Variants in CSMD1 observed in about 807,000 individuals in gnomAD.
CSMD1 encodes CUB and Sushi multiple domains 1.
In CSMD1, 213 loss-of-function variants were observed where a neutral mutation model predicts 417.5. That is an observed-to-expected ratio of 0.51 (90% CI 0.46 to 0.57). The LOEUF (loss-of-function observed/expected upper bound fraction) is 0.57. Ranked by LOEUF, CSMD1 falls within the 20% of genes least tolerant of loss-of-function variation. The pLI, the probability that CSMD1 is intolerant of heterozygous loss-of-function variation, is 0.00. For missense variants in CSMD1, 6,923 were observed against 4,529.7 expected, an observed-to-expected ratio of 1.53 and a Z score of -15.17; for synonymous variants, 2,862 against 1,736.8, an observed-to-expected ratio of 1.65 and a Z score of -16.11.
intron 1 of CSMD1, among the ~76,000 whole-genome samples, chr8:4,877,083 CACT>C (rs1335442073): frequency 2.0e-5 from 3 of 152,064 alleles, no homozygotes; most frequent in African/African-American, 7.3e-5. Flanking sequence ...CTTTCAAATA[CACT>C]ACTTATTGAA....
intron 3 of CSMD1, among the ~76,000 whole-genome samples, chr8:4,098,875 C>G (rs755583420): frequency 6.6e-6 from 1 of 152,170 alleles, no homozygotes; most frequent in Non-Finnish European, 1.5e-5. Flanking sequence ...TATTCCCGTC[C>G]AGAAAGCACT....
rs116173410 is a variant in CSMD1 at position 3,852,758 on chromosome 8, C to T, written c.819-98716G>A. Among the ~76,000 whole-genome samples, 1,120 of 152,160 alleles carry T rather than the reference C, an allele frequency of 7.4e-3. 18 individuals carry two copies. Among genetic ancestry groups the T allele is most frequent in the African/African-American group, 0.026 (1,067 of 41,518 alleles). Reference sequence around the variant, plus strand: ...GTAAGCGTCTGCATCTCCCGCTGCACAGGTTTGTAGGATCCATTCCAGCCT... The same window carrying T: ...GTAAGCGTCTGCATCTCCCGCTGCATAGGTTTGTAGGATCCATTCCAGCCT... On this transcript the variant is annotated intron_variant, in intron 5 of 69. Coordinates refer to ENST00000635120, the MANE Select transcript of CSMD1 (RefSeq NM_033225.6).
intron 3 of CSMD1, among the ~76,000 whole-genome samples, chr8:4,263,896 C>T (rs1204030896): frequency 6.6e-6 from 1 of 152,132 alleles, no homozygotes; most frequent in Non-Finnish European, 1.5e-5. Context: ...CAATTATAGA[C>T]ACAATAGTCC....
intron 3 of CSMD1, among the ~76,000 whole-genome samples, chr8:4,359,956 T>C (rs1334195495): frequency 1.3e-5 from 2 of 152,202 alleles, no homozygotes; most frequent in Non-Finnish European, 2.9e-5. Context: ...CTGGAGATCT[T>C]CCACATGGTT....
At chr8:4,296,427 G>A (rs1235407478) in intron 3 of CSMD1, among the ~76,000 whole-genome samples, 1 of 152,104 alleles carries the variant, frequency 6.6e-6, no homozygotes, top group Non-Finnish European at 1.5e-5. Flanking sequence ...ACAAGAGTGT[G>A]AGATAGCATG....
chr8:4,047,971 T>G (rs1039555975), intron 3 of CSMD1, among the ~76,000 whole-genome samples: 2 of 152,220 alleles, frequency 1.3e-5, no homozygotes, highest in African/African-American at 4.8e-5. Context: ...CCTTAGGCCT[T>G]GTTTCTTTTC....
At chr8:3,463,585 G>A (rs1328697756) in intron 12 of CSMD1, among the ~76,000 whole-genome samples, 1 of 152,154 alleles carries the variant, frequency 6.6e-6, no homozygotes, top group Non-Finnish European at 1.5e-5. Context: ...CACAAGGACA[G>A]GGGCATGAGC....
At chr8:3,576,736 A>G (rs1800166450) in intron 9 of CSMD1, among the ~76,000 whole-genome samples, 1 of 152,002 alleles carries the variant, frequency 6.6e-6, no homozygotes. Context: ...CTAATATCTC[A>G]CTCTCTAATG....
At chr8:4,338,268 G>C (rs1275345813) in intron 3 of CSMD1, among the ~76,000 whole-genome samples, 6 of 152,136 alleles carry the variant, frequency 3.9e-5, no homozygotes, top group South Asian at 2.1e-4. Flanking sequence ...CCATAGTTGA[G>C]TAAGTGCAAG....
chr8:2,968,984 G>C (rs538377071), intron 57 of CSMD1, among the ~76,000 whole-genome samples: 1 of 152,046 alleles, frequency 6.6e-6, no homozygotes, highest in South Asian at 2.1e-4. Context: ...ACAAATATTA[G>C]TACTGTTCAT....
At chr8:4,138,519 C>A (rs1247624824) in intron 3 of CSMD1, among the ~76,000 whole-genome samples, 1 of 151,996 alleles carries the variant, frequency 6.6e-6, no homozygotes, top group Non-Finnish European at 1.5e-5. Flanking sequence ...TCTCAGGAGA[C>A]ATATTTTGAG....
intron 25 of CSMD1, among the ~76,000 whole-genome samples, chr8:3,298,383 A>G (rs1000414112): frequency 1.1e-4 from 16 of 152,332 alleles, no homozygotes; most frequent in Admixed American, 2.6e-4. Context: ...ATATCAGGAA[A>G]TATCTAACGG....
At chr8:4,161,007 C>T (rs1374958927) in intron 3 of CSMD1, among the ~76,000 whole-genome samples, 2 of 152,028 alleles carry the variant, frequency 1.3e-5, no homozygotes, top group African/African-American at 4.8e-5. Flanking sequence ...CTTTGTCCTT[C>T]TTCTTCTGGT....
At chr8:3,865,185 G>A (rs1804999386) in intron 5 of CSMD1, among the ~76,000 whole-genome samples, 1 of 152,188 alleles carries the variant, frequency 6.6e-6, no homozygotes, top group Non-Finnish European at 1.5e-5. Flanking sequence ...AGGCACCTCT[G>A]ATATTTAACA....
rs781556274 is a variant in CSMD1, at chr8:2,955,701, G to A, written c.9882C>T (p.Phe3294=). 33 of 1,613,776 alleles carry A rather than the reference G, an allele frequency of 2.0e-5. No homozygotes were observed. The highest frequency in any genetic ancestry group is 2.2e-5 in the South Asian group (2 of 91,078). The change falls in exon 64 of 70, where the codon TTC becomes TTT. Residue 3294 remains phenylalanine, a synonymous_variant. Coordinates refer to ENST00000635120, the MANE Select transcript of CSMD1 (RefSeq NM_033225.6). ...GGCAGGTGTACACTAAGGTGTAGCC[G>A]AAAGTAGGAAGATCGATGGCTCTCA... The part of the protein sequence containing the change: ...ADVRAIDLPT[F]GYTLVYTCHP...
chr8:4,163,637 G>A (rs1268583396), intron 3 of CSMD1, among the ~76,000 whole-genome samples: 3 of 151,910 alleles, frequency 2.0e-5, no homozygotes, highest in Non-Finnish European at 4.4e-5. Context: ...ATCTACATAT[G>A]GTAAGTGGAG....
chr8:3,444,385 T>A (rs112257384), intron 12 of CSMD1, among the ~76,000 whole-genome samples: 5 of 152,174 alleles, frequency 3.3e-5, no homozygotes, highest in Non-Finnish European at 5.9e-5. Context: ...ATTCCATAGA[T>A]TGAAAATCAT....
intron 10 of CSMD1, among the ~76,000 whole-genome samples, chr8:3,514,870 T>A (rs2117417844): frequency 6.6e-6 from 1 of 152,178 alleles, no homozygotes; most frequent in Admixed American, 6.5e-5. Context: ...TTTTAAAAAA[T>A]CAGAGAAATA....
chr8:3,632,433 T>C (rs180818859), intron 7 of CSMD1, among the ~76,000 whole-genome samples: 24 of 152,216 alleles, frequency 1.6e-4, no homozygotes, highest in Middle Eastern at 6.8e-3. Context: ...TAGGAGATTA[T>C]TTTTTAATGA....
Sources: gnomAD v4.1 joint callset for allele counts (sites outside exome capture counted in the v4.1 genomes callset) on GRCh38, gnomAD v4.1.1 for gene constraint, MANE v1.5 for transcripts, NCBI Gene and HGNC (gene_info 2026-07-23, HGNC 2026-07-21) for gene names.